The following LRRTM4 variants were observed in gnomAD, a reference collection of about 807,000 sequenced individuals.
The protein encoded by LRRTM4 is leucine-rich repeat transmembrane neuronal protein 4.
LRRTM4 carries 25 observed loss-of-function variants against 47.6 expected under a neutral mutation model. The observed-to-expected ratio is 0.53, with a 90% CI of 0.38 to 0.73. The LOEUF (loss-of-function observed/expected upper bound fraction) is 0.73. LRRTM4 is among the 30% of genes least tolerant of loss of function. The pLI, the probability that LRRTM4 is intolerant of heterozygous loss-of-function variation, is 0.00. For synonymous variants in LRRTM4, 311 were observed against 269.5 expected (o/e 1.15, Z -1.51); for missense variants, 638 against 713.4 (o/e 0.89, Z 1.20).
chr2:76,977,960 T>A (rs1676475260), intron 3 of LRRTM4, among the ~76,000 whole-genome samples: 1 of 152,028 alleles, frequency 6.6e-6, no homozygotes, highest in Non-Finnish European at 1.5e-5. Flanking sequence ...GAAACATAAA[T>A]GGCTTTGATA....
intron 3 of LRRTM4, among the ~76,000 whole-genome samples, chr2:77,388,208 G>T (rs1673360293): frequency 6.6e-6 from 1 of 151,818 alleles, no homozygotes; most frequent in African/African-American, 2.4e-5. Flanking sequence ...AGTTATTTAG[G>T]TTCTACGTGT....
At chr2:77,102,510 A>G (rs1188481724) in intron 3 of LRRTM4, among the ~76,000 whole-genome samples, 1 of 152,250 alleles carries the variant, frequency 6.6e-6, no homozygotes, top group Non-Finnish European at 1.5e-5. Flanking sequence ...GAACTGAGTC[A>G]AATATGTTTC....
chr2:77,058,012 A>T (rs1486206739), intron 3 of LRRTM4, among the ~76,000 whole-genome samples: 2 of 151,852 alleles, frequency 1.3e-5, no homozygotes, highest in Non-Finnish European at 2.9e-5. Context: ...CCTCCAATAA[A>T]TTTTTGTCAA....
intron 3 of LRRTM4, among the ~76,000 whole-genome samples, chr2:77,258,334 A>G (rs923679577): frequency 1.3e-5 from 2 of 152,078 alleles, no homozygotes; most frequent in Admixed American, 6.6e-5. Flanking sequence ...TCATTGCACA[A>G]TGGAGATATT....
chr2:76,885,428 T>A (rs1026930679), intron 3 of LRRTM4, among the ~76,000 whole-genome samples: 11 of 151,608 alleles, frequency 7.3e-5, no homozygotes, highest in Non-Finnish European at 1.3e-4. Context: ...TTGAGATGAC[T>A]GGTAAGCAGG....
chr2:77,041,459 G>A (rs1679030690), intron 3 of LRRTM4, among the ~76,000 whole-genome samples: 1 of 151,400 alleles, frequency 6.6e-6, no homozygotes, highest in African/African-American at 2.4e-5. Flanking sequence ...AGATCATACA[G>A]TAGTTTTGAA....
rs572089589 is a variant in LRRTM4, at chr2:77,456,411, A to G, written c.1551+61907T>C. On this transcript the variant is annotated intron_variant, in intron 3 of 3. Coordinates refer to ENST00000409884, the MANE Select transcript of LRRTM4 (RefSeq NM_001134745.3). ...CACAAATAATTTGCATTCTCAAACTAAAGTAGGCTAACTGTCCAGGCTTAC... is the reference window on the plus strand; with the variant it reads ...CACAAATAATTTGCATTCTCAAACTGAAGTAGGCTAACTGTCCAGGCTTAC... 2.6e-5 allele frequency among the ~76,000 whole-genome samples: 4 copies of G among 152,296 alleles called. No individual in the cohort carries two copies. In the South Asian group the frequency reaches 8.3e-4, roughly 32 times the overall value.
At chr2:76,817,434 G>C (rs143036745) in intron 3 of LRRTM4, among the ~76,000 whole-genome samples, 26 of 152,084 alleles carry the variant, frequency 1.7e-4, no homozygotes, top group Admixed American at 1.5e-3. Context: ...GTAGGAGATA[G>C]AGCAATGAAC....
At chr2:77,354,454 G>T (rs183071852) in intron 3 of LRRTM4, among the ~76,000 whole-genome samples, 1 of 152,030 alleles carries the variant, frequency 6.6e-6, no homozygotes, top group Non-Finnish European at 1.5e-5. Context: ...ATGCTTCAGC[G>T]GTTAGTTTGA....
At chr2:77,464,700 A>G (rs1676917695) in intron 3 of LRRTM4, among the ~76,000 whole-genome samples, 1 of 152,090 alleles carries the variant, frequency 6.6e-6, no homozygotes, top group Non-Finnish European at 1.5e-5. Context: ...ATCATGTTGG[A>G]TAACTAATAT....
chr2:77,207,866 C>CTTTTT (rs754540782), intron 3 of LRRTM4, among the ~76,000 whole-genome samples: 1,028 of 42,618 alleles, frequency 0.024, 305 homozygotes, highest in East Asian at 0.031. Context: ...GGGAAAGTGG[C>CTTTTT]TTTTTTTTTT....
intron 3 of LRRTM4, among the ~76,000 whole-genome samples, chr2:76,795,488 T>C (rs948405276): frequency 6.6e-6 from 1 of 152,172 alleles, no homozygotes; most frequent in Non-Finnish European, 1.5e-5. Context: ...GTGTAGGTGT[T>C]AATAATCTGG....
chr2:77,472,621 T>C (rs1485797403), intron 3 of LRRTM4, among the ~76,000 whole-genome samples: 1 of 152,138 alleles, frequency 6.6e-6, no homozygotes, highest in East Asian at 1.9e-4. Context: ...GTAGTAATCC[T>C]ACATTATTAT....
chr2:76,795,048 C>CAGAT (rs1675197791), intron 3 of LRRTM4, among the ~76,000 whole-genome samples: 1 of 151,530 alleles, frequency 6.6e-6, no homozygotes, highest in Non-Finnish European at 1.5e-5. Flanking sequence ...TTCTGTATGG[C>CAGAT]AGATAGTAAG....
chr2:76,877,660 TCTATTTTCTTATGATAAAAA>T (rs1672814671), intron 3 of LRRTM4, among the ~76,000 whole-genome samples: 2 of 152,164 alleles, frequency 1.3e-5, no homozygotes, highest in African/African-American at 4.8e-5. Context: ...TTCTAGAAAT[TCTATTTTCTTATGATAAAAA>T]CTTTATCAGT....
At chr2:77,045,462 C>T (rs1679202673) in intron 3 of LRRTM4, among the ~76,000 whole-genome samples, 1 of 151,842 alleles carries the variant, frequency 6.6e-6, no homozygotes, top group South Asian at 2.1e-4. Context: ...ATGCCTAAAA[C>T]AAAATTGGCT....
intron 3 of LRRTM4, among the ~76,000 whole-genome samples, chr2:77,362,170 A>AAAGAAAGG (rs1282143102): frequency 0.015 from 1,942 of 132,998 alleles, 26 homozygotes; most frequent in Admixed American, 0.021. Flanking sequence ...AGAAAGAAAG[A>AAAGAAAGG]AAGGAAGGAA....
chr2:77,019,256 A>AAAAAC (rs1297945596), intron 3 of LRRTM4, among the ~76,000 whole-genome samples: 2 of 146,776 alleles, frequency 1.4e-5, no homozygotes, highest in Non-Finnish European at 3.0e-5. Context: ...TGCTCTACAA[A>AAAAAC]AAAAAAAAAA....
intron 3 of LRRTM4, among the ~76,000 whole-genome samples, chr2:77,172,140 T>G (rs1673065525): frequency 6.6e-6 from 1 of 152,210 alleles, no homozygotes; most frequent in Admixed American, 6.5e-5. Context: ...GATAAAAATC[T>G]AAAATAAGCC....
Sources: allele counts gnomAD v4.1 joint callset (sites outside exome capture counted in the v4.1 genomes callset), GRCh38; gene constraint gnomAD v4.1.1; transcripts MANE v1.5; gene names NCBI Gene and HGNC (gene_info 2026-07-23, HGNC 2026-07-21).